Variants in CHD9 observed in about 807,000 individuals in gnomAD.
The protein encoded by CHD9 is ATP-dependent chromatin remodeler CHD9.
CHD9 carries 77 observed loss-of-function variants against 316.1 expected under a neutral mutation model. The ratio of observed to expected loss-of-function variants is 0.24; its 90% confidence interval spans 0.20 to 0.29. The LOEUF is 0.29. Ranked by LOEUF, CHD9 falls within the 10% of genes least tolerant of loss-of-function variation. CHD9 has a pLI of 1.00. For synonymous variants in CHD9, 1,129 were observed against 1,158.3 expected (o/e 0.97, Z 0.51); for missense variants, 2,763 against 3,438.1 (o/e 0.80, Z 4.91).
Position 53,157,517 on chromosome 16 carries a change from A to C in CHD9, c.1428A>C (p.Arg476Ser), listed in dbSNP as rs1281168942. The C allele has an allele frequency of 1.2e-6, 2 of 1,613,194 alleles. No individual in the cohort carries two copies. Among genetic ancestry groups the C allele is most frequent in the Admixed American group, 3.3e-5 (2 of 59,964 alleles). ...CTAATCATCAGCATTTACATGACAG[A>C]AATCACCTATGTTTACAGCGACAGG... Reference protein sequence around the residue: ...SFSNHQHLHDRNHLCLQRQPP... With the variant: ...SFSNHQHLHDSNHLCLQRQPP... The change falls in exon 2 of 39, where the codon AGA becomes AGC. Residue 476 changes from arginine (R) to serine (S), a missense_variant. Arg to Ser is a moderately radical substitution (Grantham distance 110, BLOSUM62 -1). This residue lies in a region of CHD9 where 859 missense variants were observed against 890.4 expected (regional missense o/e 0.96). Transcript: ENST00000447540.
At chr16:53,145,943 T>C (rs965674205) in intron 1 of CHD9, among the ~76,000 whole-genome samples, 2 of 152,124 alleles carry the variant, frequency 1.3e-5, no homozygotes. Flanking sequence ...GAGGACATTA[T>C]GCTAAGTGAA....
Position 53,314,438 on chromosome 16 carries a change from C to G in CHD9, c.7284C>G (p.Val2428=). 6.3e-7 allele frequency: 1 copy of G among 1,587,064 alleles called. No individual in the cohort carries two copies. Among genetic ancestry groups the G allele is most frequent in the Non-Finnish European group, 8.6e-7 (1 of 1,165,206 alleles). The stretch of plus-strand genomic sequence containing the variant: ...TGATATTAGACAACCAGCCTATAGT[C>G]AAAAAAAGGCGAGGAAGGAGGAAGA... ...NGVILDNQPI[V]KKRRGRRKNV... The change falls in exon 35 of 39, where the codon GTC becomes GTG. Residue 2428 remains valine, a synonymous_variant. Coordinates refer to ENST00000447540, the MANE Select transcript of CHD9 (RefSeq NM_001308319.2).
intron 1 of CHD9, among the ~76,000 whole-genome samples, chr16:53,097,586 A>G (rs1042628679): frequency 8.2e-4 from 125 of 152,296 alleles, no homozygotes; most frequent in African/African-American, 2.8e-3. Context: ...TTATTGACCC[A>G]CAAGGGCAGA....
chr16:53,204,853 A>G (rs1442290102), intron 2 of CHD9, among the ~76,000 whole-genome samples: 1 of 151,686 alleles, frequency 6.6e-6, no homozygotes, highest in Admixed American at 6.6e-5. Context: ...TTGTTTGTTT[A>G]TTTGTTTTGA....
intron 2 of CHD9, among the ~76,000 whole-genome samples, chr16:53,173,013 C>T (rs570535628): frequency 2.6e-5 from 4 of 152,038 alleles, no homozygotes; most frequent in Admixed American, 1.3e-4. Context: ...AAGTCTAGTT[C>T]ATTACTTCTT....
intron 1 of CHD9, among the ~76,000 whole-genome samples, chr16:53,153,140 G>A (rs1020226575): frequency 6.6e-6 from 1 of 152,158 alleles, no homozygotes; most frequent in Admixed American, 6.5e-5. Context: ...GGTCAGTTTG[G>A]TGAGATGATG....
chr16:53,247,275 C>T lies in CHD9; in HGVS notation c.3455-18C>T. 1.3e-6 allele frequency: 2 copies of T among 1,547,488 alleles called. No individual in the cohort carries two copies. The highest frequency in any genetic ancestry group is 1.8e-6 in the Non-Finnish European group (2 of 1,133,100). On this transcript the variant is annotated intron_variant, in intron 15 of 38. Coordinates refer to ENST00000447540, the MANE Select transcript of CHD9 (RefSeq NM_001308319.2). ...TGCATTTGCACATTGCTGTTATCTT[C>T]TCCTATTTCTTTGACAGGTGCTGAG... is the stretch of plus-strand genomic sequence containing the variant.
At chr16:53,059,239 C>T (rs756499726) in intron 1 of CHD9, among the ~76,000 whole-genome samples, 1 of 152,106 alleles carries the variant, frequency 6.6e-6, no homozygotes, top group Non-Finnish European at 1.5e-5. Context: ...AGTGATCAAG[C>T]GTCGATGAAA....
intron 2 of CHD9, among the ~76,000 whole-genome samples, chr16:53,180,354 A>T (rs1274937120): frequency 6.6e-6 from 1 of 152,102 alleles, no homozygotes; most frequent in Non-Finnish European, 1.5e-5. Flanking sequence ...TCCTTCTGGG[A>T]AAATGTTGGT....
chr16:53,244,534 C>G (rs1262208262), intron 13 of CHD9, among the ~76,000 whole-genome samples: 2 of 152,046 alleles, frequency 1.3e-5, no homozygotes, highest in Non-Finnish European at 2.9e-5. Context: ...TGGATTGTAA[C>G]CTCAGTGATT....
At chr16:53,125,835 T>G (rs2038947668) in intron 1 of CHD9, among the ~76,000 whole-genome samples, 1 of 152,218 alleles carries the variant, frequency 6.6e-6, no homozygotes, top group Admixed American at 6.5e-5. Context: ...TAGCTGCATA[T>G]TCAACTTAAC....
chr16:53,184,312 G>C (rs2043799998), intron 2 of CHD9, among the ~76,000 whole-genome samples: 1 of 152,118 alleles, frequency 6.6e-6, no homozygotes, highest in African/African-American at 2.4e-5. Flanking sequence ...ATGTGTTTAT[G>C]TAGTGATTTG....
rs1267263629 is a variant in CHD9 at position 53,324,052 on chromosome 16, T to A, written c.7851T>A (p.Ile2617=). The A allele has an allele frequency of 3.7e-6, 6 of 1,613,444 alleles. No individual in the cohort carries two copies. Among genetic ancestry groups the A allele is most frequent in the Non-Finnish European group, 5.1e-6 (6 of 1,179,506 alleles). The change falls in exon 39 of 39, where the codon ATT becomes ATA. Residue 2617 remains isoleucine, a synonymous_variant. Coordinates refer to ENST00000447540, the MANE Select transcript of CHD9 (RefSeq NM_001308319.2). ...GFLPESMYER[I]LTGPVVREEV... ...TTCCAGAAAGCATGTATGAACGTATTCTCACTGGTCCCGTTGTGAGAGAGG... is the reference window on the plus strand; with the variant it reads ...TTCCAGAAAGCATGTATGAACGTATACTCACTGGTCCCGTTGTGAGAGAGG...
chr16:53,248,526 GTT>G (rs542703474), intron 16 of CHD9, among the ~76,000 whole-genome samples: 171 of 105,958 alleles, frequency 1.6e-3, no homozygotes, highest in Middle Eastern at 5.4e-3. Flanking sequence ...TTTTTTTTTT[GTT>G]TTTTTTTTTT....
chr16:53,087,979 G>A lies in CHD9; in HGVS notation c.-165+32902G>A, dbSNP rs1477887684. ...AAAAAAAAATAGAAATCCAATCCAA[G>A]ATACTTTTGAGCAAAACAGGAGTGC... On this transcript the variant is annotated intron_variant, in intron 1 of 38. Transcript: ENST00000447540. 6.6e-5 allele frequency among the ~76,000 whole-genome samples: 10 copies of A among 151,818 alleles called. No individual in the cohort carries two copies. The East Asian group carries it at 1.9e-3, about 29-fold the overall frequency.
chr16:53,116,040 T>C (rs907445851), intron 1 of CHD9, among the ~76,000 whole-genome samples: 5 of 152,102 alleles, frequency 3.3e-5, no homozygotes, highest in African/African-American at 1.2e-4. Flanking sequence ...CATAAGCAAA[T>C]ACCAGCCTGA....
At chr16:53,170,500 G>A (rs1249625260) in intron 2 of CHD9, among the ~76,000 whole-genome samples, 1 of 152,042 alleles carries the variant, frequency 6.6e-6, no homozygotes, top group Non-Finnish European at 1.5e-5. Context: ...CCTGGAATGA[G>A]CCATTTCTTC....
intron 1 of CHD9, among the ~76,000 whole-genome samples, chr16:53,087,264 C>T (rs908986217): frequency 6.6e-6 from 1 of 152,132 alleles, no homozygotes. Flanking sequence ...AGTTCCTCCT[C>T]CTGTTGGTGC....
intron 1 of CHD9, among the ~76,000 whole-genome samples, chr16:53,096,712 C>G (rs967767701): frequency 6.6e-6 from 1 of 152,146 alleles, no homozygotes; most frequent in South Asian, 2.1e-4. Context: ...TAACCAAACA[C>G]TTGAAACTGG....
Sources: allele counts gnomAD v4.1 joint callset (sites outside exome capture counted in the v4.1 genomes callset), GRCh38; gene constraint gnomAD v4.1.1; regional missense constraint gnomAD v4.1.1; transcripts MANE v1.5; gene names NCBI Gene and HGNC (gene_info 2026-07-23, HGNC 2026-07-21).